AMPD1: variants seen among roughly 807,000 people sequenced by gnomAD.
AMPD1 encodes the protein AMP deaminase 1.
A neutral mutation model predicts 82.9 loss-of-function variants in AMPD1; 74 were observed. That is an observed-to-expected ratio of 0.89 (90% CI 0.74 to 1.08). The LOEUF (loss-of-function observed/expected upper bound fraction) is 1.08. Ranked by LOEUF, AMPD1 falls within the 50% of genes least tolerant of loss-of-function variation. The pLI is 0.00. For synonymous variants in AMPD1, 333 were observed against 320.5 expected, an observed-to-expected ratio of 1.04 and a Z score of -0.42; for missense variants, 881 against 924.5, an observed-to-expected ratio of 0.95 and a Z score of 0.61.
At position 114,688,587 on chromosome 1, in the gene AMPD1, A is replaced by C. The variant is rs202046815; in HGVS notation, c.189T>G (p.Thr63=). 4.6e-5 allele frequency: 75 copies of C among 1,614,168 alleles called. No homozygotes were observed. Among genetic ancestry groups the C allele is most frequent in the Non-Finnish European group, 6.3e-5 (74 of 1,180,034 alleles). ...EMQAHIFHLE[T]LSTSTEARRK... is the part of the protein sequence containing the mutation. ...TCCTGGCTTCTGTGGAGGTGGACAG[A>C]GTCTCCAGATGGAATATGTGTGCTT... Residue 63 remains threonine, a synonymous_variant, in exon 3 of 16, where the codon ACT becomes ACG. Transcript: ENST00000520113.
At position 114,687,045 on chromosome 1, in the gene AMPD1, C is replaced by A. The variant is rs79168230; in HGVS notation, c.216-135G>T. ...TTAAAATGTGGTTGGGTATCAGAAACAGGATCCAAGCATAGTGGGAGGAGA... is the reference window on the plus strand; with the variant it reads ...TTAAAATGTGGTTGGGTATCAGAAAAAGGATCCAAGCATAGTGGGAGGAGA... On this transcript the variant is annotated intron_variant, in intron 3 of 15. Coordinates refer to ENST00000520113, the MANE Select transcript of AMPD1 (RefSeq NM_000036.3). 7.6e-3 allele frequency: 7,071 copies of A among 927,426 alleles called. 81 individuals carry two copies. The highest frequency in any genetic ancestry group is 0.04 in the Middle Eastern group (133 of 3,310). 57.4% of individuals were successfully genotyped at this position (927,426 alleles called of 1,614,324 possible).
At chr1:114,694,157 A>G (rs1371003366) in intron 1 of AMPD1, among the ~76,000 whole-genome samples, 1 of 152,084 alleles carries the variant, frequency 6.6e-6, no homozygotes, top group Non-Finnish European at 1.5e-5. Context: ...TGGAGCTTGC[A>G]GTGAGCCAAG....
chr1:114,685,674 T>C lies in AMPD1; in HGVS notation c.381+1071A>G, dbSNP rs1206948122. On this transcript the variant is annotated intron_variant, in intron 4 of 15. Coordinates refer to ENST00000520113, the MANE Select transcript of AMPD1 (RefSeq NM_000036.3). ...CTCCTAACTTCTTTGTTTTTATTCT[T>C]GTTTTCATTTCTATCAAGCATGCAG... is the stretch of plus-strand genomic sequence containing the variant. Among the ~76,000 whole-genome samples, 5 of 152,188 alleles carry C rather than the reference T, an allele frequency of 3.3e-5. No homozygotes were observed. The East Asian group carries it at 5.8e-4, about 18-fold the overall frequency.
rs6656110 is a variant in AMPD1 at position 114,690,268 on chromosome 1, T to C, written c.35-1527A>G. 2.3e-3 allele frequency among the ~76,000 whole-genome samples: 353 copies of C among 152,308 alleles called. 4 individuals carry two copies. Among genetic ancestry groups the C allele is most frequent in the African/African-American group, 7.9e-3 (329 of 41,566 alleles). ...CCCAACCTCGCTGGCAAGGCTGTTG[T>C]GACACTAAGTGAGATAATGTATGTG... On this transcript the variant is annotated intron_variant, in intron 2 of 15. Transcript: ENST00000520113.
At chr1:114,685,135 G>C (rs559783890) in intron 4 of AMPD1, among the ~76,000 whole-genome samples, 1 of 152,276 alleles carries the variant, frequency 6.6e-6, no homozygotes, top group Admixed American at 6.5e-5. Flanking sequence ...TTAAGGTCCA[G>C]ATATTGATCC....
At position 114,675,864 on chromosome 1, in the gene AMPD1, G is replaced by A; in HGVS notation, c.1515+13C>T. The A allele has an allele frequency of 6.2e-7, 1 of 1,614,166 alleles. No individual in the cohort carries two copies. The highest frequency in any genetic ancestry group is 8.5e-7 in the Non-Finnish European group (1 of 1,180,014). On this transcript the variant is annotated intron_variant, in intron 11 of 15. Coordinates refer to ENST00000520113, the MANE Select transcript of AMPD1 (RefSeq NM_000036.3). The stretch of plus-strand genomic sequence containing the variant: ...ATGAGCAGCAGTATGAAGGCCTGAA[G>A]GGTCATGCTTACATGCTTGAGGAAG...
At chr1:114,678,272 G>A in intron 8 of AMPD1, 61 bp downstream of exon 8, 3 of 1,580,794 alleles carry the variant, frequency 1.9e-6, no homozygotes, top group Non-Finnish European at 2.6e-6. Flanking sequence ...AGGGCTTGTA[G>A]GAGAAAGACA....
chr1:114,687,905 C>A (rs1658366740), intron 3 of AMPD1, among the ~76,000 whole-genome samples: 1 of 152,014 alleles, frequency 6.6e-6, no homozygotes, highest in African/African-American at 2.4e-5. Flanking sequence ...CTCTTGAGTC[C>A]CAGTTTATAT....
At chr1:114,680,583 G>A (rs551978172) in intron 5 of AMPD1, 105 bp from the exon 6 acceptor site, 45 of 943,774 alleles carry the variant, frequency 4.8e-5, no homozygotes, top group Admixed American at 2.5e-4. Context: ...CTTGGAATCC[G>A]GTACTTAAGT....
In AMPD1 at chr1:114,684,247, G is replaced by T; in HGVS notation, c.499C>A (p.Arg167=). ...ACCCAAGCCTCACCATCAATGTTCC[G>T]CAAGTATTTGGAAGGGGTTTTAGGG... is the stretch of plus-strand genomic sequence containing the variant. ...RFPKTPSKYL[R]NIDGEAWVAN... is the part of the protein sequence containing the mutation. Residue 167 remains arginine, a synonymous_variant, in exon 5 of 16, where the codon CGG becomes AGG. Transcript: ENST00000520113. 6.2e-7 allele frequency: 1 copy of T among 1,614,000 alleles called. No individual in the cohort carries two copies. Among genetic ancestry groups the T allele is most frequent in the Admixed American group, 1.7e-5 (1 of 59,996 alleles).
rs1657907020 is a variant in AMPD1, at chr1:114,673,946, A to G, written c.1937T>C (p.Leu646Pro). 6.2e-6 allele frequency: 10 copies of G among 1,614,150 alleles called. No individual in the cohort carries two copies. In the South Asian group the frequency reaches 8.8e-5, roughly 14 times the overall value. The change falls in exon 14 of 16, where the codon CTG (leucine) becomes CCG (proline). Residue 646 changes from leucine (L) to proline (P), a missense_variant. By Grantham distance (98) the Leu-to-Pro change is moderately conservative. Around this residue, in one of 2 missense-constraint regions of AMPD1, gnomAD observed 98 missense variants for 138.1 expected, o/e 0.71. Coordinates refer to ENST00000520113, the MANE Select transcript of AMPD1 (RefSeq NM_000036.3). ...GAATTGCATTGGGTCATCTGTAGAC[A>G]GTGAGATCATTAGCCCTTTCTGAAG... ...DFLQKGLMIS[L>P]STDDPMQFHF... is the part of the protein sequence containing the mutation.
chr1:114,682,583 T>TC (rs1658188895), intron 5 of AMPD1, among the ~76,000 whole-genome samples: 1 of 142,846 alleles, frequency 7.0e-6, no homozygotes, highest in South Asian at 2.1e-4. Context: ...TCAAAAATCT[T>TC]TTTTTTTTTT....
rs1370156829 is a variant in AMPD1, at chr1:114,677,895, T to C, written c.1224+15A>G. Reference sequence around the variant, plus strand: ...ACCATGCCAGATACCATAGATGTGATTGGTTCCGCCTCACCTTGATGATAG... The same window carrying C: ...ACCATGCCAGATACCATAGATGTGACTGGTTCCGCCTCACCTTGATGATAG... On this transcript the variant is annotated intron_variant, in intron 9 of 15. Coordinates refer to ENST00000520113, the MANE Select transcript of AMPD1 (RefSeq NM_000036.3). The C allele has an allele frequency of 5.0e-6, 8 of 1,611,772 alleles. No homozygotes were observed. Among genetic ancestry groups the C allele is most frequent in the Non-Finnish European group, 6.8e-6 (8 of 1,178,994 alleles).
At position 114,675,647 on chromosome 1, in the gene AMPD1, T is replaced by G. The variant is rs1156760290; in HGVS notation, c.1562A>C (p.His521Pro). 2.5e-6 allele frequency: 4 copies of G among 1,614,110 alleles called. No homozygotes were observed. The highest frequency in any genetic ancestry group is 3.4e-6 in the Non-Finnish European group (4 of 1,180,048). The part of the protein sequence containing the change: ...SVDDESKHSG[H>P]MFSSKSPKPQ... ...CTTGGGACTCTTGGAGGAGAACATG[T>G]GGCCACTGTGTTTGGACTCATCATC... The change falls in exon 12 of 16, where the codon CAC becomes CCC. Residue 521 changes from histidine (H) to proline (P), a missense_variant. By Grantham distance (77) the His-to-Pro change is moderately conservative. Transcript: ENST00000520113.
chr1:114,674,146 A>G (rs1657914562), intron 13 of AMPD1, 64 bp from the exon 14 acceptor site: 2 of 1,441,338 alleles, frequency 1.4e-6, no homozygotes, highest in Non-Finnish European at 1.9e-6. Context: ...TAGAAACACT[A>G]CAATCTCATG....
At chr1:114,675,455 C>T in intron 12 of AMPD1, 75 bp downstream of exon 12, 3 of 1,514,634 alleles carry the variant, frequency 2.0e-6, no homozygotes, top group Non-Finnish European at 2.7e-6. Flanking sequence ...AGGCCCCTGA[C>T]CACCTTAATT....
rs1284363894 is a variant in AMPD1, at chr1:114,686,798, G to T, written c.328C>A (p.Gln110Lys). The stretch of plus-strand genomic sequence containing the variant: ...ACTCTCTGAAAATCAGGCACGGTCT[G>T]GTAGGTTGGAGATGAGGAAATGTAT... The part of the protein sequence containing the change: ...DEYISSSPTY[Q>K]TVPDFQRVQI... Residue 110 changes from glutamine to lysine, a missense_variant, in exon 4 of 16, where the codon CAG becomes AAG. Physicochemically the swap from Gln to Lys is moderately conservative, Grantham distance 53. Transcript: ENST00000520113. The T allele has an allele frequency of 6.2e-7, 1 of 1,614,124 alleles. No individual in the cohort carries two copies. The highest frequency in any genetic ancestry group is 1.1e-5 in the South Asian group (1 of 91,078).
intron 5 of AMPD1, among the ~76,000 whole-genome samples, chr1:114,681,053 C>T (rs1019800026): frequency 2.6e-5 from 4 of 152,184 alleles, no homozygotes; most frequent in South Asian, 2.1e-4. Context: ...ATAAAGTAAT[C>T]GATATACTAC....
At chr1:114,684,443 C>T (rs1658255064) in intron 4 of AMPD1, 79 bp from the exon 5 acceptor site, 3 of 1,454,168 alleles carry the variant, frequency 2.1e-6, no homozygotes, top group Admixed American at 3.5e-5. Context: ...ATCCTTGGCA[C>T]CTCCCAGCTC....
Sources: gnomAD v4.1 joint callset for allele counts (sites outside exome capture counted in the v4.1 genomes callset) on GRCh38, gnomAD v4.1.1 for gene constraint, gnomAD v4.1.1 regional missense constraint, MANE v1.5 for transcripts, NCBI Gene and HGNC (gene_info 2026-07-23, HGNC 2026-07-21) for gene names.